Variants in MAPRE2 observed in about 807,000 individuals in gnomAD.
MAPRE2 encodes microtubule associated protein RP/EB family member 2.
Under a neutral mutation model 43.2 loss-of-function variants are expected in MAPRE2, and 13 were observed. That is an observed-to-expected ratio of 0.30 (90% CI 0.20 to 0.48). MAPRE2 has a LOEUF of 0.48. Among genes scored for constraint, MAPRE2 ranks in the 20% least tolerant of loss-of-function variants. The pLI is 0.99. For synonymous variants in MAPRE2, 135 were observed against 148.8 expected (o/e 0.91, Z 0.68); for missense variants, 161 against 400.2 (o/e 0.40, Z 5.10).
chr18:35,100,008 G>C (rs1010942671), intron 3 of MAPRE2, among the ~76,000 whole-genome samples: 1 of 152,132 alleles, frequency 6.6e-6, no homozygotes, highest in Admixed American at 6.5e-5. Context: ...CAGTGGCAAA[G>C]CCTTGTTCAA....
chr18:34,978,651 G>A (rs2097014504), intron 1 of MAPRE2: 9 of 923,930 alleles, frequency 9.7e-6, no homozygotes, highest in Non-Finnish European at 1.4e-5. Flanking sequence ...TGTCCCCTCT[G>A]GAAATGAAAT....
chr18:35,046,477 G>C (rs1325216671), intron 1 of MAPRE2, among the ~76,000 whole-genome samples: 2 of 152,226 alleles, frequency 1.3e-5, no homozygotes. Flanking sequence ...TAGGCTTTAG[G>C]ATCAGGCAGA....
intron 2 of MAPRE2, among the ~76,000 whole-genome samples, chr18:35,032,557 C>T (rs550753621): frequency 9.2e-5 from 14 of 152,244 alleles, no homozygotes; most frequent in African/African-American, 3.1e-4. Flanking sequence ...ACTCTCTGGC[C>T]TAAGTTCTAA....
intron 1 of MAPRE2, among the ~76,000 whole-genome samples, chr18:35,051,587 A>G (rs1905938040): frequency 6.6e-6 from 1 of 152,106 alleles, no homozygotes; most frequent in Admixed American, 6.6e-5. Context: ...ATTGTCCCCT[A>G]CCTCCTTTCC....
At chr18:34,987,689 C>G (rs2097021718) in intron 1 of MAPRE2, among the ~76,000 whole-genome samples, 1 of 152,146 alleles carries the variant, frequency 6.6e-6, no homozygotes, top group Non-Finnish European at 1.5e-5. Flanking sequence ...GTTGCCCAGG[C>G]TGGAGTGCAG....
intron 1 of MAPRE2, among the ~76,000 whole-genome samples, chr18:35,048,142 C>T (rs1905731055): frequency 2.6e-5 from 4 of 152,026 alleles, no homozygotes; most frequent in African/African-American, 9.7e-5. Context: ...TGGTGGAAGG[C>T]GAAGCGGGAG....
At chr18:35,022,801 G>A (rs996536041) in intron 2 of MAPRE2, among the ~76,000 whole-genome samples, 2 of 152,136 alleles carry the variant, frequency 1.3e-5, no homozygotes, top group Non-Finnish European at 2.9e-5. Flanking sequence ...ATTCAAAGTA[G>A]GAAAGGCTGC....
chr18:35,006,199 A>C (rs1158627043), intron 2 of MAPRE2, among the ~76,000 whole-genome samples: 1 of 152,224 alleles, frequency 6.6e-6, no homozygotes, highest in African/African-American at 2.4e-5. Context: ...AAAGCCATTC[A>C]GAGAGGTCCC....
chr18:35,133,825 C>A (rs1910270981), intron 6 of MAPRE2, among the ~76,000 whole-genome samples: 1 of 152,168 alleles, frequency 6.6e-6, no homozygotes, highest in African/African-American at 2.4e-5. Context: ...CCCTTGCCTC[C>A]TGGGTGTGAT....
chr18:35,128,314 C>T (rs1480026235), intron 5 of MAPRE2, among the ~76,000 whole-genome samples: 1 of 152,198 alleles, frequency 6.6e-6, no homozygotes, highest in Non-Finnish European at 1.5e-5. Flanking sequence ...GCAGTAAGGA[C>T]AGTCATAATG....
intron 1 of MAPRE2, among the ~76,000 whole-genome samples, chr18:35,064,000 T>TAAAAAAAAAAAAAAAAAAAAAAA (rs575347953): frequency 5.9e-5 from 2 of 33,970 alleles, no homozygotes; most frequent in Non-Finnish European, 1.0e-4. Flanking sequence ...CCTGTCTCTT[T>TAAAAAAAAAAAAAAAAAAAAAAA]AAAAAAAAAA....
intron 2 of MAPRE2, among the ~76,000 whole-genome samples, chr18:35,025,744 C>G (rs2097044764): frequency 6.6e-6 from 1 of 152,136 alleles, no homozygotes; most frequent in South Asian, 2.1e-4. Context: ...TGAACATAGT[C>G]CAGTGGAATA....
At chr18:35,055,537 C>CTGTCTGTGTG (rs1555914067) in intron 1 of MAPRE2, among the ~76,000 whole-genome samples, 1 of 146,594 alleles carries the variant, frequency 6.8e-6, no homozygotes, top group African/African-American at 2.6e-5. Context: ...ATTCAGTTCT[C>CTGTCTGTGTG]TGTGTGTGTG....
intron 5 of MAPRE2, among the ~76,000 whole-genome samples, chr18:35,127,933 A>C (rs547006872): frequency 8.9e-4 from 136 of 152,302 alleles, no homozygotes; most frequent in Non-Finnish European, 1.7e-3. Context: ...CGGGTAGTGG[A>C]GGGCCCATCG....
intron 6 of MAPRE2, among the ~76,000 whole-genome samples, chr18:35,136,599 T>C (rs1455818036): frequency 6.6e-6 from 1 of 152,206 alleles, no homozygotes; most frequent in Non-Finnish European, 1.5e-5. Context: ...TCAACAGCTC[T>C]AGAGCTAAGG....
chr18:34,987,150 G>C (rs960416498), intron 1 of MAPRE2, among the ~76,000 whole-genome samples: 3 of 152,134 alleles, frequency 2.0e-5, no homozygotes, highest in African/African-American at 7.2e-5. Context: ...ATATTTTAAA[G>C]TACTTTCTAT....
chr18:35,063,208 A>G (rs1324171647), intron 1 of MAPRE2, among the ~76,000 whole-genome samples: 2 of 151,908 alleles, frequency 1.3e-5, no homozygotes, highest in African/African-American at 2.4e-5. Context: ...GGTTCACGCC[A>G]TTCTCCTGCC....
chr18:35,070,487 G>C, intron 2 of MAPRE2, 165 bp downstream of exon 2: 1 of 510,840 alleles, frequency 2.0e-6, no homozygotes, highest in Non-Finnish European at 3.2e-6. Flanking sequence ...GGACGTATTG[G>C]GAAAAGTGTT....
chr18:35,026,386 T>C lies in MAPRE2; in HGVS notation c.-8+20833T>C, dbSNP rs756544856. The stretch of plus-strand genomic sequence containing the variant: ...GTCTAAACCAATGGCCGCAACCTAA[T>C]TTCTGTGCATGCCTCTGACCTGCTT... On this transcript the variant is annotated intron_variant, in intron 2 of 7. Transcript: ENST00000413393. 2.8e-4 allele frequency among the ~76,000 whole-genome samples: 43 copies of C among 152,310 alleles called. 1 individual carries two copies. Among genetic ancestry groups the C allele is most frequent in the Non-Finnish European group, 5.3e-4 (36 of 68,018 alleles).
Sources: allele counts gnomAD v4.1 joint callset (sites outside exome capture counted in the v4.1 genomes callset), GRCh38; gene constraint gnomAD v4.1.1; transcripts MANE v1.5; gene names NCBI Gene and HGNC (gene_info 2026-07-23, HGNC 2026-07-21).